Variants in PIEZO1 observed in about 807,000 individuals in gnomAD.
The protein encoded by PIEZO1 is piezo-type mechanosensitive ion channel component 1.
A neutral mutation model predicts 297.2 loss-of-function variants in PIEZO1; 296 were observed. The ratio of observed to expected loss-of-function variants is 1.00; its 90% CI spans 0.91 to 1.10. The LOEUF (loss-of-function observed/expected upper bound fraction) is 1.10, where lower values mean the gene tolerates loss of function less well. PIEZO1 is among the 50% of genes least tolerant of loss of function. The pLI is 0.00. For synonymous variants in PIEZO1, 2,427 were observed against 1,507.5 expected (o/e 1.61, Z -14.13); for missense variants, 5,018 against 3,455.5 (o/e 1.45, Z -11.34).
intron 1 of PIEZO1, among the ~76,000 whole-genome samples, chr16:88,768,433 T>C (rs77898264): frequency 0.097 from 14,752 of 152,182 alleles, 2,393 homozygotes; most frequent in African/African-American, 0.34. Context: ...CTAAAACCTA[T>C]GCGCGTGCTC....
chr16:88,747,072 G>A (rs1179969860), intron 2 of PIEZO1, among the ~76,000 whole-genome samples: 1 of 152,164 alleles, frequency 6.6e-6, no homozygotes, highest in Non-Finnish European at 1.5e-5. Flanking sequence ...CATGATCCAA[G>A]ATCAGTGCCT....
chr16:88,724,307 G>A (rs1055773629), intron 30 of PIEZO1, among the ~76,000 whole-genome samples: 1 of 152,210 alleles, frequency 6.6e-6, no homozygotes, highest in East Asian at 1.9e-4. Context: ...GAGGCGGGCG[G>A]ATCACCTGAA....
At chr16:88,758,991 G>A (rs1409063530) in intron 1 of PIEZO1, among the ~76,000 whole-genome samples, 1 of 152,214 alleles carries the variant, frequency 6.6e-6, no homozygotes, top group African/African-American at 2.4e-5. Flanking sequence ...ACACCAAGCT[G>A]TTGCGTCTGC....
chr16:88,742,076 G>C lies in PIEZO1; in HGVS notation c.303C>G (p.Leu101=). ...LGPSCSRWET[L]SRHIGVTRLD... is the part of the protein sequence containing the mutation. ...ACCTTGTGACCCCTATGTGTCGCGA[G>C]AGGGTCTCCCAGCGGCTGCCTGCAG... The change falls in exon 4 of 51, where the codon CTC becomes CTG. Residue 101 remains leucine, a synonymous_variant. Transcript: ENST00000301015. 6.5e-7 allele frequency: 1 copy of C among 1,536,104 alleles called. No homozygotes were observed. The highest frequency in any genetic ancestry group is 1.4e-5 in the African/African-American group (1 of 73,114).
At chr16:88,754,536 C>T (rs77103795) in intron 1 of PIEZO1, among the ~76,000 whole-genome samples, 8,025 of 152,238 alleles carry the variant, frequency 0.053, 282 homozygotes, top group Non-Finnish European at 0.077. Flanking sequence ...CTGTGGTGAT[C>T]GAGGAGGAGC....
intron 1 of PIEZO1, among the ~76,000 whole-genome samples, chr16:88,753,862 T>C (rs1290816865): frequency 6.6e-6 from 1 of 152,090 alleles, no homozygotes; most frequent in Non-Finnish European, 1.5e-5. Context: ...TCAGGGCAGG[T>C]CGGAAGCTTC....
chr16:88,720,666 T>C lies in PIEZO1; in HGVS notation c.5751A>G (p.Gly1917=). The change falls in exon 40 of 51, where the codon GGA becomes GGG. Residue 1917 remains glycine (G), a synonymous_variant. Transcript: ENST00000301015. ...TGREKRPSRS[G]GRVRAAGRRL... ...GCCGCCCGGCCGCCCTTACTCTTCC[T>C]CCAGAGCGGCTTGGCCTCTTCTCTC... 6.5e-7 allele frequency: 1 copy of C among 1,547,488 alleles called. No homozygotes were observed. Among genetic ancestry groups the C allele is most frequent in the Non-Finnish European group, 8.7e-7 (1 of 1,145,718 alleles).
rs1384536607 is a variant in PIEZO1, at chr16:88,716,813, G to C, written c.6746C>G (p.Pro2249Arg). 6.5e-7 allele frequency: 1 copy of C among 1,549,930 alleles called. No homozygotes were observed. Among genetic ancestry groups the C allele is most frequent in the Admixed American group, 2.0e-5 (1 of 50,994 alleles). ...AYEELSRQFD[P>R]QPLAMQFISQ... ...AGGGCAGAGGCCACTTACCGGCTGG[G>C]GGTCAAACTGCCGGGACAGCTCCTC... Residue 2249 changes from proline (P) to arginine (R), a missense_variant, in exon 46 of 51, where the codon CCC (proline) becomes CGC (arginine). Physicochemically the swap from Pro to Arg is moderately radical, Grantham distance 103. Coordinates refer to ENST00000301015, the MANE Select transcript of PIEZO1 (RefSeq NM_001142864.4).
chr16:88,719,898 A>C lies in PIEZO1; in HGVS notation c.6227T>G (p.Leu2076Arg), dbSNP rs1912306462. The C allele has an allele frequency of 6.5e-7, 1 of 1,550,320 alleles. No individual in the cohort carries two copies. The highest frequency in any genetic ancestry group is 1.4e-5 in the African/African-American group (1 of 73,052). The change falls in exon 43 of 51, where the codon CTG becomes CGG. Residue 2076 changes from leucine (L) to arginine (R), a missense_variant. Physicochemically the swap from Leu to Arg is moderately radical, Grantham distance 102. Coordinates refer to ENST00000301015, the MANE Select transcript of PIEZO1 (RefSeq NM_001142864.4). The part of the protein sequence containing the change: ...WYFVKCIYFA[L>R]SAYQIRCGYP... Reference sequence around the variant, plus strand: ...GCCGCAGCGGATCTGGTAGGCGGACAGGGCGAAGTAGATGCACTTCACGAA... The same window carrying C: ...GCCGCAGCGGATCTGGTAGGCGGACCGGGCGAAGTAGATGCACTTCACGAA...
At position 88,742,107 on chromosome 16, in the gene PIEZO1, G is replaced by C. The variant is rs1270407943; in HGVS notation, c.284-12C>G. Reference sequence around the variant, plus strand: ...CTCCCAGCGGCTGCCTGCAGAGAAAGACGGGGGAACCCAGGTCAGGCTCTG... The same window carrying C: ...CTCCCAGCGGCTGCCTGCAGAGAAACACGGGGGAACCCAGGTCAGGCTCTG... On this transcript the variant is annotated splice_polypyrimidine_tract_variant and intron_variant, in intron 3 of 50. Coordinates refer to ENST00000301015, the MANE Select transcript of PIEZO1 (RefSeq NM_001142864.4). The C allele has an allele frequency of 6.5e-7, 1 of 1,535,890 alleles. No homozygotes were observed. The highest frequency in any genetic ancestry group is 2.4e-5 in the East Asian group (1 of 40,920).
At chr16:88,720,875 C>A in intron 39 of PIEZO1, 127 bp from the exon 40 acceptor site, 2 of 1,136,068 alleles carry the variant, frequency 1.8e-6, no homozygotes, top group Non-Finnish European at 2.4e-6. Context: ...CAGGAAAGCT[C>A]CCAGTGTCAC....
chr16:88,728,418 G>A (rs866684410), intron 22 of PIEZO1, among the ~76,000 whole-genome samples: 17 of 150,368 alleles, frequency 1.1e-4, no homozygotes, highest in Admixed American at 5.3e-4. Context: ...GGGAACCCAG[G>A]ACATGCTGAA....
At chr16:88,752,858 G>C (rs929269587) in intron 1 of PIEZO1, among the ~76,000 whole-genome samples, 1 of 150,620 alleles carries the variant, frequency 6.6e-6, no homozygotes, top group Non-Finnish European at 1.5e-5. Flanking sequence ...GCCCCCCAGA[G>C]TTTGTTCACT....
At chr16:88,781,130 G>A (rs1233605651) in intron 1 of PIEZO1, among the ~76,000 whole-genome samples, 1 of 152,100 alleles carries the variant, frequency 6.6e-6, no homozygotes, top group Non-Finnish European at 1.5e-5. Context: ...TCTCAGGAGT[G>A]GGCTGCAGCG....
chr16:88,753,222 TC>T (rs1193268275), intron 1 of PIEZO1, among the ~76,000 whole-genome samples: 1 of 45,704 alleles, frequency 2.2e-5, no homozygotes, highest in Non-Finnish European at 4.0e-5. Context: ...CACCTGTCCA[TC>T]CCCAGAGCAC....
chr16:88,722,617 T>C lies in PIEZO1; in HGVS notation c.4741A>G (p.Thr1581Ala). 1 of 1,538,034 alleles carries C rather than the reference T, an allele frequency of 6.5e-7. No individual in the cohort carries two copies. The highest frequency in any genetic ancestry group is 1.2e-5 in the South Asian group (1 of 83,968). ...GTGCTTGGGGCATTGGGGGCCTCGG[T>C]GGGGCCTGGCAGCGTGGCCTCGGCC... is the stretch of plus-strand genomic sequence containing the variant. The part of the protein sequence containing the change: ...SQAEATLPGP[T>A]EAPNAPSTVS... The change falls in exon 35 of 51, where the codon ACC becomes GCC. Residue 1581 changes from threonine to alanine, a missense_variant. Physicochemically the swap from Thr to Ala is moderately conservative, Grantham distance 58 (BLOSUM62 0). Transcript: ENST00000301015.
At chr16:88,718,653 GGTTA>G (rs1387391241) in intron 44 of PIEZO1, 2 of 152,256 alleles carry the variant, frequency 1.3e-5, no homozygotes, top group Non-Finnish European at 2.9e-5. Flanking sequence ...CTAGACAAGG[GGTTA>G]CTAGGGGCCA....
At chr16:88,737,458 CG>C in intron 10 of PIEZO1, 100 bp downstream of exon 10, 1 of 774,078 alleles carries the variant, frequency 1.3e-6, no homozygotes, top group Non-Finnish European at 2.0e-6. Flanking sequence ...GGCAGAGGTG[CG>C]GCGCGAGCAT....
chr16:88,734,779 C>T lies in PIEZO1; in HGVS notation c.1868G>A (p.Arg623Gln), dbSNP rs752245293. The change falls in exon 15 of 51, where the codon CGG (arginine) becomes CAG (glutamine). Residue 623 changes from arginine (R) to glutamine (Q), a missense_variant. Transcript: ENST00000301015. ...CCACCAGAAGGCCTTGAGCAGCTTC[C>T]GCCACAGGCTGTAGTAGACCTGCCG... Reference protein sequence around the residue: ...TLFQVYYSLWRKLLKAFWWLV... With the variant: ...TLFQVYYSLWQKLLKAFWWLV... 2.4e-5 allele frequency: 37 copies of T among 1,550,200 alleles called. No individual in the cohort carries two copies. Among genetic ancestry groups the T allele is most frequent in the South Asian group, 1.3e-4 (11 of 84,066 alleles).
Sources: allele counts gnomAD v4.1 joint callset (sites outside exome capture counted in the v4.1 genomes callset), GRCh38; gene constraint gnomAD v4.1.1; transcripts MANE v1.5; gene names NCBI Gene and HGNC (gene_info 2026-07-23, HGNC 2026-07-21).